The following MPV17L2 variants were observed in gnomAD, a reference collection of about 807,000 sequenced individuals.
The protein encoded by MPV17L2 is mpv17-like protein 2.
In MPV17L2, 25 loss-of-function variants were observed where a neutral mutation model predicts 24.2. That is an observed-to-expected ratio of 1.03 (90% confidence interval 0.75 to 1.44). The LOEUF (loss-of-function observed/expected upper bound fraction) is 1.44. Among genes scored for constraint, MPV17L2 ranks in the 40% most tolerant of loss-of-function variants. MPV17L2 has a pLI of 0.00. For missense variants in MPV17L2, 271 were observed against 276.2 expected, an observed-to-expected ratio of 0.98 and a Z score of 0.13; for synonymous variants, 130 against 121.4, an observed-to-expected ratio of 1.07 and a Z score of -0.46.
At chr19:18,194,690 C>T in intron 2 of MPV17L2, 87 bp from the exon 3 acceptor site, 2 of 1,289,342 alleles carry the variant, frequency 1.6e-6, no homozygotes, top group African/African-American at 1.5e-5. Flanking sequence ...AGGGGCCCAA[C>T]CCCGCCCCCT....
chr19:18,196,446 C>T lies in MPV17L2; in HGVS notation c.*391C>T. ...TCAGGTCCTGGGACTAAGGCGGGGACATGACTGATCCCCTCAGAGCAGGCT... is the reference window on the plus strand; with the variant it reads ...TCAGGTCCTGGGACTAAGGCGGGGATATGACTGATCCCCTCAGAGCAGGCT... On this transcript the variant is annotated 3_prime_UTR_variant, in exon 5 of 5. Transcript: ENST00000599612. 2.3e-6 allele frequency: 3 copies of T among 1,299,608 alleles called. No individual in the cohort carries two copies. The highest frequency in any genetic ancestry group is 3.0e-6 in the Non-Finnish European group (3 of 995,476). The allele number at this position is 1,299,608 out of a possible 1,614,324, so 80.5% of individuals were successfully genotyped here.
intron 1 of MPV17L2, 40 bp downstream of exon 1, chr19:18,193,508 C>T: frequency 2.8e-6 from 4 of 1,439,282 alleles, no homozygotes; most frequent in Non-Finnish European, 3.6e-6. Context: ...CCCCGGGCGA[C>T]CTTTGATCCC....
In MPV17L2 at chr19:18,193,325, C is replaced by T. The variant is rs375137582; in HGVS notation, c.44C>T (p.Ala15Val). Residue 15 changes from alanine (A) to valine (V), a missense_variant, in exon 1 of 5, where the codon GCG (alanine) becomes GTG (valine). Transcript: ENST00000599612. ...CGCCGGCTACGCCGCCTGTTATCCG[C>T]GGGGCAGCTTCTATTCCAGGGCCGC... ...GWRRLRRLLSAGQLLFQGRAL... is the reference protein window; with the variant it reads ...GWRRLRRLLSVGQLLFQGRAL... The T allele has an allele frequency of 2.1e-5, 32 of 1,556,696 alleles. No individual in the cohort carries two copies. The highest frequency in any genetic ancestry group is 2.5e-5 in the Non-Finnish European group (29 of 1,158,022).
chr19:18,195,432 A>G (rs1053236938), intron 4 of MPV17L2, among the ~76,000 whole-genome samples: 2 of 152,056 alleles, frequency 1.3e-5, no homozygotes, highest in Admixed American at 1.3e-4. Flanking sequence ...GTTACTTGAG[A>G]GGCTGAGGCA....
In MPV17L2 at chr19:18,193,322, C is replaced by T. The variant is rs764910005; in HGVS notation, c.41C>T (p.Ser14Phe). The T allele has an allele frequency of 6.4e-7, 1 of 1,556,582 alleles. No homozygotes were observed. Among genetic ancestry groups the T allele is most frequent in the South Asian group, 1.2e-5 (1 of 85,028 alleles). Residue 14 changes from serine (S) to phenylalanine (F), a missense_variant, in exon 1 of 5, where the codon TCC becomes TTC. Transcript: ENST00000599612. ...GGWRRLRRLL[S>F]AGQLLFQGRA... ...TGGCGCCGGCTACGCCGCCTGTTAT[C>T]CGCGGGGCAGCTTCTATTCCAGGGC...
rs1375849304 is a variant in MPV17L2 at position 18,196,009 on chromosome 19, C to T, written c.575C>T (p.Pro192Leu). The change falls in exon 5 of 5, where the codon CCT becomes CTT. Residue 192 changes from proline (P) to leucine (L), a missense_variant. Pro to Leu is a moderately conservative substitution (Grantham distance 98, BLOSUM62 -3). Coordinates refer to ENST00000599612, the MANE Select transcript of MPV17L2 (RefSeq NM_032683.3). ...LSYLKYRSPV[P>L]LTPPGCVALD... ...GTCTTGTGTGGACAGAGCCCAGTTCCTCTGACACCCCCAGGCTGTGTGGCC... is the reference window on the plus strand; with the variant it reads ...GTCTTGTGTGGACAGAGCCCAGTTCTTCTGACACCCCCAGGCTGTGTGGCC... 1 of 1,609,950 alleles carries T rather than the reference C, an allele frequency of 6.2e-7. No individual in the cohort carries two copies. Among genetic ancestry groups the T allele is most frequent in the Non-Finnish European group, 8.5e-7 (1 of 1,177,182 alleles).
Position 18,196,197 on chromosome 19 carries a change from C to T in MPV17L2, c.*142C>T, listed in dbSNP as rs562833665. ...TCAGCTCCGGAGCATTGGGCTGAGC[C>T]GCCCTTTCCAAGCTCACTTCTGGGA... is the stretch of plus-strand genomic sequence containing the variant. On this transcript the variant is annotated 3_prime_UTR_variant, in exon 5 of 5. Coordinates refer to ENST00000599612, the MANE Select transcript of MPV17L2 (RefSeq NM_032683.3). The T allele has an allele frequency of 2.2e-5, 34 of 1,543,798 alleles. No homozygotes were observed. The highest frequency in any genetic ancestry group is 1.6e-4 in the South Asian group (14 of 84,906).
chr19:18,193,274 T>G lies in MPV17L2; in HGVS notation c.-8T>G. ...AGCGGCGCGCCGGTTCCTTGGTTCC[T>G]GAGGGCGATGGCGCGGGGTGGCTGG... is the stretch of plus-strand genomic sequence containing the variant. On this transcript the variant is annotated 5_prime_UTR_variant, in exon 1 of 5. Transcript: ENST00000599612. The G allele has an allele frequency of 3.3e-6, 5 of 1,520,268 alleles. No individual in the cohort carries two copies. Among genetic ancestry groups the G allele is most frequent in the Non-Finnish European group, 3.5e-6 (4 of 1,140,866 alleles). The allele number at this position is 1,520,268 out of a possible 1,614,324, so 94.2% of individuals were successfully genotyped here. A position where few individuals can be genotyped will look rare whatever the true frequency, so the allele number is the denominator to read the frequency against.
intron 1 of MPV17L2, 192 bp downstream of exon 1, chr19:18,193,660 C>G (rs1967462833): frequency 1.2e-5 from 17 of 1,426,922 alleles, no homozygotes; most frequent in Non-Finnish European, 1.5e-5. Flanking sequence ...AGGTCTCTGC[C>G]CACTACCCAG....
chr19:18,195,904 TG>T, intron 4 of MPV17L2, 94 bp from the exon 5 acceptor site: 1 of 1,218,326 alleles, frequency 8.2e-7, no homozygotes, highest in Non-Finnish European at 1.2e-6. Context: ...CTGCCAAGTC[TG>T]TTGAGCAGGG....
intron 4 of MPV17L2, 61 bp from the exon 5 acceptor site, chr19:18,195,938 G>A (rs374456167): frequency 6.5e-6 from 10 of 1,530,274 alleles, no homozygotes; most frequent in South Asian, 2.5e-5. Context: ...CCAAGGGCAG[G>A]TAGAGGGACA....
rs552036719 is a variant in MPV17L2 at position 18,196,480 on chromosome 19, G to A, written c.*425G>A. On this transcript the variant is annotated 3_prime_UTR_variant, in exon 5 of 5. Transcript: ENST00000599612. ...TCCCCTCAGAGCAGGCTCAGGCCTG[G>A]AGTCGGCCCCCAAAAGTTTCACATA... 2.3e-6 allele frequency: 3 copies of A among 1,277,890 alleles called. No individual in the cohort carries two copies. Among genetic ancestry groups the A allele is most frequent in the African/African-American group, 1.5e-5 (1 of 65,644 alleles). The allele number at this position is 1,277,890 out of a possible 1,614,324, so 79.2% of individuals were successfully genotyped here. A position where few individuals can be genotyped will look rare whatever the true frequency, so the allele number is the denominator to read the frequency against.
rs932382659 is a variant in MPV17L2 at position 18,194,031 on chromosome 19, T to C, written c.355T>C (p.Leu119=). 2.5e-6 allele frequency: 4 copies of C among 1,613,880 alleles called. No individual in the cohort carries two copies. Among genetic ancestry groups the C allele is most frequent in the Admixed American group, 1.7e-5 (1 of 59,952 alleles). The change falls in exon 2 of 5, where the codon TTG becomes CTG. Residue 119 remains leucine (L), a synonymous_variant. Coordinates refer to ENST00000599612, the MANE Select transcript of MPV17L2 (RefSeq NM_032683.3). Reference sequence around the variant, plus strand: ...TCCATTGCTGGGCGTCTGGTACTTCTTGGGTAAGGAGCCTCCTAAGCCTAG... The same window carrying C: ...TCCATTGCTGGGCGTCTGGTACTTCCTGGGTAAGGAGCCTCCTAAGCCTAG... ...ASPLLGVWYF[L]GLGCLEGQTV...
chr19:18,194,073 G>T, intron 2 of MPV17L2, 39 bp downstream of exon 2: 7 of 1,599,686 alleles, frequency 4.4e-6, no homozygotes, highest in Non-Finnish European at 6.0e-6. Context: ...CCTCTCATAG[G>T]TCGGGAGGGG....
Position 18,194,802 on chromosome 19 carries a change from A to G in MPV17L2, c.384A>G (p.Thr128=), listed in dbSNP as rs1240232571. The change falls in exon 3 of 5, where the codon ACA becomes ACG. Residue 128 remains threonine (T), a synonymous_variant. Coordinates refer to ENST00000599612, the MANE Select transcript of MPV17L2 (RefSeq NM_032683.3). ...FLGLGCLEGQ[T]VGESCQELRE... is the part of the protein sequence containing the mutation. ...GCCTTGGCTGCCTGGAGGGTCAGACAGTGGGTGAGAGCTGCCAGGAGCTGC... is the reference window on the plus strand; with the variant it reads ...GCCTTGGCTGCCTGGAGGGTCAGACGGTGGGTGAGAGCTGCCAGGAGCTGC... 3 of 1,610,294 alleles carry G rather than the reference A, an allele frequency of 1.9e-6. No individual in the cohort carries two copies. Among genetic ancestry groups the G allele is most frequent in the African/African-American group, 2.7e-5 (2 of 74,818 alleles).
chr19:18,195,188 C>G, intron 4 of MPV17L2, 102 bp downstream of exon 4: 4 of 1,503,874 alleles, frequency 2.7e-6, no homozygotes, highest in Non-Finnish European at 3.6e-6. Flanking sequence ...GGGTGGGAGT[C>G]TCCTGTGCTC....
Position 18,195,979 on chromosome 19 carries a change from G to A in MPV17L2, c.565-20G>A. 6.3e-7 allele frequency: 1 copy of A among 1,591,812 alleles called. No homozygotes were observed. Among genetic ancestry groups the A allele is most frequent in the Non-Finnish European group, 8.6e-7 (1 of 1,166,566 alleles). On this transcript the variant is annotated intron_variant, in intron 4 of 4. Transcript: ENST00000599612. ...GGATGAGCCAGGCTTCTGACCAGAT[G>A]CCTTGTCTTGTGTGGACAGAGCCCA...
chr19:18,196,627 C>A lies in MPV17L2; in HGVS notation c.*572C>A, dbSNP rs1600025122. ...AGTGGCTCCCACCTGTAATCTCAGC[C>A]CTTCCCGAGGCTGAGGTGGAAGGAT... On this transcript the variant is annotated 3_prime_UTR_variant, in exon 5 of 5. Coordinates refer to ENST00000599612, the MANE Select transcript of MPV17L2 (RefSeq NM_032683.3). The A allele has an allele frequency of 5.1e-6, 2 of 390,656 alleles. No homozygotes were observed. The highest frequency in any genetic ancestry group is 2.1e-5 in the African/African-American group (1 of 47,386). The allele number at this position is 390,656 out of a possible 1,614,324, so 24.2% of individuals were successfully genotyped here.
intron 4 of MPV17L2, 88 bp from the exon 5 acceptor site, chr19:18,195,911 C>A: frequency 7.7e-7 from 1 of 1,302,660 alleles, no homozygotes. Context: ...GTCTGTTGAG[C>A]AGGGCTGACC....
Sources: allele counts gnomAD v4.1 joint callset (sites outside exome capture counted in the v4.1 genomes callset), GRCh38; gene constraint gnomAD v4.1.1; transcripts MANE v1.5; gene names NCBI Gene and HGNC (gene_info 2026-07-23, HGNC 2026-07-21).